The following BORA variants were observed in gnomAD, a reference collection of about 807,000 sequenced individuals.
BORA encodes BORA aurora kinase A activator.
Under a neutral mutation model 55.8 loss-of-function variants are expected in BORA, and 26 were observed. The ratio of observed to expected loss-of-function variants is 0.47; its 90% confidence interval spans 0.34 to 0.65. The LOEUF (loss-of-function observed/expected upper bound fraction) is 0.65. BORA is among the 30% of genes least tolerant of loss of function. BORA has a pLI of 0.01. For synonymous variants in BORA, 201 were observed against 216.9 expected (o/e 0.93, Z 0.64); for missense variants, 568 against 671.5 (o/e 0.85, Z 1.70).
At chr13:72,732,326 TAGGA>T in intron 3 of BORA, among the ~76,000 whole-genome samples, 1 of 152,222 alleles carries the variant, frequency 6.6e-6, no homozygotes, top group South Asian at 2.1e-4. Context: ...AGAGTGTTAA[TAGGA>T]AGGGAATAGA....
At chr13:72,733,546 G>C (rs987803448) in intron 3 of BORA, among the ~76,000 whole-genome samples, 31 of 152,176 alleles carry the variant, frequency 2.0e-4, no homozygotes, top group African/African-American at 7.2e-4. Flanking sequence ...TGTTCTTGAA[G>C]TCCCTCTGAT....
rs933484320 is a variant in BORA at position 72,728,174 on chromosome 13, G to A, written c.-16+167G>A. 6 of 941,946 alleles carry A rather than the reference G, an allele frequency of 6.4e-6. No homozygotes were observed. The African/African-American group carries it at 8.1e-5, about 13-fold the overall frequency. 58.3% of individuals were successfully genotyped at this position (941,946 alleles called of 1,614,324 possible). ...AAAGAGTGGCCACGTAGGGTTGGGG[G>A]CGACGCCTCCTTCGCACTCCATCCA... On this transcript the variant is annotated intron_variant, in intron 1 of 11. Coordinates refer to ENST00000390667, the MANE Select transcript of BORA (RefSeq NM_024808.5).
At chr13:72,737,599 C>T (rs977328798) in intron 4 of BORA, among the ~76,000 whole-genome samples, 6 of 152,102 alleles carry the variant, frequency 3.9e-5, no homozygotes, top group African/African-American at 1.2e-4. Context: ...AGCTTCAGTG[C>T]CGTCATTCAT....
chr13:72,735,126 C>A, intron 4 of BORA, 121 bp downstream of exon 4: 1 of 762,080 alleles, frequency 1.3e-6, no homozygotes, highest in Non-Finnish European at 2.2e-6. Flanking sequence ...AAGCCCTTCA[C>A]AGTCCCATCT....
rs1226809468 is a variant in BORA, at chr13:72,743,150, GT to G, written c.389-386del. On this transcript the variant is annotated intron_variant, in intron 5 of 11. Transcript: ENST00000390667. Reference sequence around the variant, plus strand: ...ATCATATAGTTCAAAATTGCTGAAAGTGGATTTTAAATGTTCCCACCACAAA... The same window carrying G: ...ATCATATAGTTCAAAATTGCTGAAAGGGATTTTAAATGTTCCCACCACAAA... Among the ~76,000 whole-genome samples, 6 of 152,280 alleles carry G rather than the reference GT, an allele frequency of 3.9e-5. No individual in the cohort carries two copies. The East Asian group carries it at 9.7e-4, about 25-fold the overall frequency.
intron 10 of BORA, among the ~76,000 whole-genome samples, chr13:72,750,461 T>A (rs1196437993): frequency 2.0e-5 from 3 of 152,138 alleles, no homozygotes; most frequent in Admixed American, 1.3e-4. Flanking sequence ...TAGTTTGCTT[T>A]TTTACTTTGT....
chr13:72,735,085 T>C, intron 4 of BORA, 80 bp downstream of exon 4: 1 of 1,115,034 alleles, frequency 9.0e-7, no homozygotes, highest in Non-Finnish European at 1.3e-6. Flanking sequence ...GAAGACTTTC[T>C]TCAATTCCTT....
intron 4 of BORA, among the ~76,000 whole-genome samples, chr13:72,735,274 G>A (rs960943369): frequency 1.3e-5 from 2 of 152,114 alleles, no homozygotes; most frequent in Non-Finnish European, 2.9e-5. Flanking sequence ...GGCCAATACT[G>A]TACTTCATCC....
chr13:72,744,469 A>T (rs989662437), intron 6 of BORA, 36 bp from the exon 7 acceptor site: 19 of 1,560,834 alleles, frequency 1.2e-5, no homozygotes, highest in African/African-American at 2.7e-5. Flanking sequence ...GATTTATCCC[A>T]TGTTTGAATT....
intron 10 of BORA, 149 bp downstream of exon 10, chr13:72,747,260 T>G (rs2033170740): frequency 2.5e-6 from 2 of 788,152 alleles, no homozygotes; most frequent in South Asian, 6.4e-5. Flanking sequence ...CCAAGTGATA[T>G]GAGAAGAGTA....
intron 11 of BORA, chr13:72,754,808 C>T (rs2033401341): frequency 5.3e-6 from 1 of 188,534 alleles, no homozygotes; most frequent in Admixed American, 6.1e-5. Context: ...CTTCACCTCC[C>T]AGACTCAAGC....
chr13:72,736,031 C>T (rs1005145760), intron 4 of BORA, among the ~76,000 whole-genome samples: 7 of 151,972 alleles, frequency 4.6e-5, no homozygotes, highest in African/African-American at 7.2e-5. Context: ...GTTCCTTAGC[C>T]GTACTTGGCT....
At chr13:72,747,169 T>C (rs1270229912) in intron 10 of BORA, 58 bp downstream of exon 10, 2 of 1,539,984 alleles carry the variant, frequency 1.3e-6, no homozygotes, top group African/African-American at 2.7e-5. Context: ...CTTTATCCTT[T>C]CTAAGATTAT....
intron 10 of BORA, among the ~76,000 whole-genome samples, chr13:72,751,699 A>G (rs1217561470): frequency 1.3e-5 from 2 of 152,322 alleles, no homozygotes; most frequent in East Asian, 3.9e-4. Context: ...TGTAATTAAC[A>G]ATTTATCGTA....
intron 5 of BORA, among the ~76,000 whole-genome samples, chr13:72,743,229 T>C (rs1188513079): frequency 6.6e-6 from 1 of 152,192 alleles, no homozygotes; most frequent in Non-Finnish European, 1.5e-5. Context: ...GCTCTTGTCA[T>C]AGTGTATACA....
chr13:72,728,281 T>G, intron 1 of BORA: 2 of 672,030 alleles, frequency 3.0e-6, no homozygotes, highest in Non-Finnish European at 5.4e-6. Flanking sequence ...TGTAGCCTCC[T>G]TTGATTGCAA....
At chr13:72,730,053 C>A (rs2032779180) in intron 2 of BORA, among the ~76,000 whole-genome samples, 1 of 151,960 alleles carries the variant, frequency 6.6e-6, no homozygotes, top group South Asian at 2.1e-4. Flanking sequence ...CTTCAGCCTC[C>A]CAAAGTGCTG....
chr13:72,732,272 T>A (rs2032834696), intron 3 of BORA, among the ~76,000 whole-genome samples: 1 of 152,188 alleles, frequency 6.6e-6, no homozygotes, highest in Non-Finnish European at 1.5e-5. Flanking sequence ...TTCTCTTTGC[T>A]TGGTAACATG....
rs1254092238 is a variant in BORA, at chr13:72,746,029, C to G, written c.824C>G (p.Pro275Arg). Reference protein sequence around the residue: ...SITSPSPISSPTFSPIEFQIG... With the variant: ...SITSPSPISSRTFSPIEFQIG... ...ACTAGTCCTTCGCCTATTTCTTCAC[C>G]CACTTTCTCACCAATTGAATTTCAG... Residue 275 changes from proline (P) to arginine (R), a missense_variant, in exon 9 of 12, where the codon CCC becomes CGC. Pro to Arg is a moderately radical substitution (Grantham distance 103, BLOSUM62 -2). Transcript: ENST00000390667. The G allele has an allele frequency of 1.9e-6, 3 of 1,612,460 alleles. No homozygotes were observed. Among genetic ancestry groups the G allele is most frequent in the Non-Finnish European group, 2.5e-6 (3 of 1,178,736 alleles).
Sources: gnomAD v4.1 joint callset for allele counts (sites outside exome capture counted in the v4.1 genomes callset) on GRCh38, gnomAD v4.1.1 for gene constraint, MANE v1.5 for transcripts, NCBI Gene and HGNC (gene_info 2026-07-23, HGNC 2026-07-21) for gene names.